Variants in RIPOR3 observed in about 807,000 individuals in gnomAD.
The protein encoded by RIPOR3 is family with sequence similarity 65 member C.
A neutral mutation model predicts 114.3 loss-of-function variants in RIPOR3; 95 were observed. That is an observed-to-expected ratio of 0.83 (90% CI 0.70 to 0.99). The LOEUF (loss-of-function observed/expected upper bound fraction) is 0.99. Ranked by LOEUF, RIPOR3 falls within the 50% of genes least tolerant of loss-of-function variation. The probability of loss-of-function intolerance (pLI) is 0.00; values close to 1 mark genes in which losing one functional copy is unlikely to be tolerated. For synonymous variants in RIPOR3, 575 were observed against 543.8 expected (o/e 1.06, Z -0.80); for missense variants, 1,252 against 1,266.9 (o/e 0.99, Z 0.18).
At chr20:50,667,215 C>T (rs2123497163) in intron 1 of RIPOR3, among the ~76,000 whole-genome samples, 1 of 152,212 alleles carries the variant, frequency 6.6e-6, no homozygotes, top group South Asian at 2.1e-4. Context: ...CACCCCATCC[C>T]CAAACGAGCC....
chr20:50,643,859 G>C (rs1299816889), intron 1 of RIPOR3, among the ~76,000 whole-genome samples: 1 of 151,662 alleles, frequency 6.6e-6, no homozygotes, highest in Non-Finnish European at 1.5e-5. Flanking sequence ...GACTACAGGC[G>C]CCCGCCACTG....
In RIPOR3 at chr20:50,592,373, C is replaced by T; in HGVS notation, c.2548G>A (p.Ala850Thr). 1.9e-6 allele frequency: 3 copies of T among 1,602,840 alleles called. No individual in the cohort carries two copies. The highest frequency in any genetic ancestry group is 2.3e-5 in the East Asian group (1 of 44,442). Residue 850 changes from alanine to threonine, a missense_variant, in exon 19 of 22, where the codon GCA becomes ACA. By Grantham distance (58) the Ala-to-Thr change is moderately conservative. Transcript: ENST00000327979. ...TCCCGGAAGCTTCTGTTCCTGACTGCACCAGCCAGGCGAGCGCTGGCCGCC... is the reference window on the plus strand; with the variant it reads ...TCCCGGAAGCTTCTGTTCCTGACTGTACCAGCCAGGCGAGCGCTGGCCGCC... ...CRAASARLAG[A>T]VRNRSFREKA...
Position 50,642,122 on chromosome 20 carries a change from T to G in RIPOR3, c.4-11266A>C, listed in dbSNP as rs548198985. Among the ~76,000 whole-genome samples the G allele has an allele frequency of 1.5e-4, 23 of 152,290 alleles. No homozygotes were observed. In the South Asian group the frequency reaches 4.6e-3, roughly 30 times the overall value. On this transcript the variant is annotated intron_variant, in intron 1 of 21. Coordinates refer to ENST00000327979, the MANE Select transcript of RIPOR3 (RefSeq NM_001290268.2). ...GCTACTACTCTTAGGGGTGGGGCTT[T>G]GTTTACTTTGCATTTTCCTGATTCC...
chr20:50,658,184 G>T (rs2085880950), intron 1 of RIPOR3, among the ~76,000 whole-genome samples: 1 of 152,160 alleles, frequency 6.6e-6, no homozygotes, highest in Non-Finnish European at 1.5e-5. Flanking sequence ...GCAAAAAGGT[G>T]CAAGAGACCC....
At position 50,586,173 on chromosome 20, in the gene RIPOR3, G is replaced by A; in HGVS notation, c.*1059C>T. The A allele has an allele frequency of 6.1e-6, 1 of 164,034 alleles. No individual in the cohort carries two copies. The highest frequency in any genetic ancestry group is 1.3e-5 in the Non-Finnish European group (1 of 74,686). 10.2% of individuals were successfully genotyped at this position (164,034 alleles called of 1,614,324 possible). A position where few individuals can be genotyped will look rare whatever the true frequency, so the allele number is the denominator to read the frequency against. On this transcript the variant is annotated 3_prime_UTR_variant, in exon 22 of 22. Transcript: ENST00000327979. Reference sequence around the variant, plus strand: ...TTCAGAAAATTGAACATATGAACAAGGCAAATAAATACTAAGTAAGTTAAA... The same window carrying A: ...TTCAGAAAATTGAACATATGAACAAAGCAAATAAATACTAAGTAAGTTAAA...
chr20:50,587,982 G>A (rs2082977125), intron 20 of RIPOR3, 90 bp from the exon 21 acceptor site: 1 of 1,241,606 alleles, frequency 8.1e-7, no homozygotes, highest in Non-Finnish European at 1.1e-6. Flanking sequence ...GCCAGTCCTA[G>A]CATGGTCTCT....
chr20:50,609,175 G>A (rs1454678889), intron 8 of RIPOR3, 118 bp downstream of exon 8: 1 of 1,362,708 alleles, frequency 7.3e-7, no homozygotes, highest in Non-Finnish European at 1.0e-6. Flanking sequence ...ATGTCACATG[G>A]ATGCAAAAGC....
intron 4 of RIPOR3, 22 bp from the exon 5 acceptor site, chr20:50,611,226 C>T (rs200507490): frequency 3.8e-5 from 62 of 1,613,928 alleles, no homozygotes; most frequent in Middle Eastern, 3.3e-4. Flanking sequence ...GAAAGGAGGG[C>T]GGAAGAAGCT....
chr20:50,659,357 C>T (rs966125547), intron 1 of RIPOR3, among the ~76,000 whole-genome samples: 2 of 152,016 alleles, frequency 1.3e-5, no homozygotes, highest in Non-Finnish European at 2.9e-5. Context: ...CATGAAAATT[C>T]TAACCAGGGC....
intron 2 of RIPOR3, among the ~76,000 whole-genome samples, chr20:50,621,843 A>G (rs1214498032): frequency 6.6e-6 from 1 of 152,146 alleles, no homozygotes; most frequent in Admixed American, 6.6e-5. Flanking sequence ...TGTGGACTGG[A>G]TGATCCTAAA....
At position 50,612,652 on chromosome 20, in the gene RIPOR3, TAA is replaced by T. The variant is rs537450911; in HGVS notation, c.349-1450_349-1449del. ...AGAGAGAAAAATATGGAAAGATCAA[TAA>T]AAGATTGTTCTCAAGGGTTAAACGG... On this transcript the variant is annotated intron_variant, in intron 4 of 21. Transcript: ENST00000327979. Among the ~76,000 whole-genome samples the T allele has an allele frequency of 4.9e-4, 74 of 152,214 alleles. 1 individual carries two copies. In the East Asian group the frequency reaches 0.014, roughly 29 times the overall value.
intron 7 of RIPOR3, 22 bp from the exon 8 acceptor site, chr20:50,609,378 T>C (rs768242859): frequency 1.2e-6 from 2 of 1,610,984 alleles, no homozygotes; most frequent in Non-Finnish European, 1.7e-6. Flanking sequence ...CGGAGGTGGC[T>C]CAGCTGGCTG....
chr20:50,587,448 G>A (rs1190071719), intron 21 of RIPOR3, 116 bp from the exon 22 acceptor site: 1 of 845,908 alleles, frequency 1.2e-6, no homozygotes, highest in Non-Finnish European at 1.9e-6. Context: ...TCTCTGCAAA[G>A]CGGCAGGGGA....
At chr20:50,612,710 G>T (rs2084018376) in intron 4 of RIPOR3, among the ~76,000 whole-genome samples, 1 of 151,902 alleles carries the variant, frequency 6.6e-6, no homozygotes, top group Non-Finnish European at 1.5e-5. Flanking sequence ...ATAGAGGAGG[G>T]CGTCAATCGA....
chr20:50,594,517 C>G (rs2083222367), intron 17 of RIPOR3, 36 bp downstream of exon 17: 1 of 1,597,516 alleles, frequency 6.3e-7, no homozygotes, highest in Admixed American at 1.7e-5. Flanking sequence ...TACAGCCTTT[C>G]TGTGGGAGGG....
chr20:50,598,401 C>T (rs1056858704), intron 13 of RIPOR3, among the ~76,000 whole-genome samples: 1 of 151,934 alleles, frequency 6.6e-6, no homozygotes, highest in East Asian at 1.9e-4. Flanking sequence ...TTCCTGCCCC[C>T]GTTCCCAGCA....
Position 50,641,434 on chromosome 20 carries a change from G to A in RIPOR3, c.4-10578C>T, listed in dbSNP as rs2085190344. ...GTCTCTCTATGTGGCCCAGGCCAGG[G>A]TGCAGTGGTGTGATCATAGCTCACT... On this transcript the variant is annotated intron_variant, in intron 1 of 21. Transcript: ENST00000327979. Among the ~76,000 whole-genome samples, 2 of 152,178 alleles carry A rather than the reference G, an allele frequency of 1.3e-5. 1 individual carries two copies. Among genetic ancestry groups the A allele is most frequent in the South Asian group, 4.1e-4 (2 of 4,824 alleles).
Position 50,593,180 on chromosome 20 carries a change from C to T in RIPOR3, c.2229G>A (p.Leu743=), listed in dbSNP as rs771286615. Residue 743 remains leucine, a synonymous_variant, in exon 18 of 22, where the codon CTG becomes CTA. Coordinates refer to ENST00000327979, the MANE Select transcript of RIPOR3 (RefSeq NM_001290268.2). ...GCCCACCACAGCTGACCACCTGCTC[C>T]AGGAGCCTGCGGCACGCTGGCCAAA... The part of the protein sequence containing the change: ...GQLEIACRRL[L]EQVVSCGGLL... 1.1e-5 allele frequency: 18 copies of T among 1,612,958 alleles called. No homozygotes were observed. The highest frequency in any genetic ancestry group is 1.4e-5 in the Non-Finnish European group (17 of 1,180,022).
At chr20:50,613,894 G>A (rs765598102) in intron 4 of RIPOR3, among the ~76,000 whole-genome samples, 1 of 152,056 alleles carries the variant, frequency 6.6e-6, no homozygotes, top group Non-Finnish European at 1.5e-5. Context: ...GCTGAGCTTG[G>A]CAGGCCTTTC....
Sources: allele counts gnomAD v4.1 joint callset (sites outside exome capture counted in the v4.1 genomes callset), GRCh38; gene constraint gnomAD v4.1.1; transcripts MANE v1.5; gene names NCBI Gene and HGNC (gene_info 2026-07-23, HGNC 2026-07-21).